Variants in TSC22D1 observed in about 807,000 individuals in gnomAD.
TSC22D1 encodes TSC22 domain family member 1.
TSC22D1 carries 9 observed loss-of-function variants against 74.2 expected under a neutral mutation model. The observed-to-expected ratio is 0.12, with a 90% confidence interval of 0.07 to 0.21. TSC22D1 has a LOEUF of 0.21. Among genes scored for constraint, TSC22D1 ranks in the 10% least tolerant of loss-of-function variants. The pLI, the probability that TSC22D1 is intolerant of heterozygous loss-of-function variation, is 1.00. For synonymous variants in TSC22D1, 586 were observed against 492.5 expected, an observed-to-expected ratio of 1.19 and a Z score of -2.51; for missense variants, 1,427 against 1,304.7, an observed-to-expected ratio of 1.09 and a Z score of -1.44.
intron 1 of TSC22D1, among the ~76,000 whole-genome samples, chr13:44,455,542 G>C (rs1162283302): frequency 6.6e-6 from 1 of 152,172 alleles, no homozygotes; most frequent in Non-Finnish European, 1.5e-5. Context: ...GTTTCTTCAA[G>C]AATTATTTTG....
At chr13:44,524,640 G>A (rs1054608225) in intron 1 of TSC22D1, among the ~76,000 whole-genome samples, 3 of 152,088 alleles carry the variant, frequency 2.0e-5, no homozygotes, top group African/African-American at 4.8e-5. Flanking sequence ...TCCGCTTCCC[G>A]GATTCAAGCA....
intron 1 of TSC22D1, 130 bp from the exon 2 acceptor site, chr13:44,436,225 T>C (rs1874609798): frequency 9.0e-7 from 1 of 1,108,464 alleles, no homozygotes. Flanking sequence ...CTATGTAATG[T>C]ATCACCCTCC....
rs569191088 is a variant in TSC22D1, at chr13:44,434,376, G to C, written c.*250C>G. On this transcript the variant is annotated 3_prime_UTR_variant, in exon 3 of 3. Coordinates refer to ENST00000458659, the MANE Select transcript of TSC22D1 (RefSeq NM_183422.4). ...AAACCATTTCTCAGATATCTGCCAA[G>C]CTGCATGAGGTCCCGGTATATCCAT... 5.1e-6 allele frequency: 7 copies of C among 1,373,788 alleles called. No homozygotes were observed. In the African/African-American group the frequency reaches 8.9e-5, roughly 18 times the overall value. 85.1% of individuals were successfully genotyped at this position (1,373,788 alleles called of 1,614,324 possible).
At chr13:44,451,739 G>A (rs756502963) in intron 1 of TSC22D1, among the ~76,000 whole-genome samples, 8 of 152,238 alleles carry the variant, frequency 5.3e-5, no homozygotes, top group Non-Finnish European at 5.9e-5. Context: ...GCCACACGCT[G>A]AGGATCAACT....
Position 44,434,796 on chromosome 13 carries a change from A to T in TSC22D1, c.3052T>A (p.Ser1018Thr), listed in dbSNP as rs1481187371. Reference protein sequence around the residue: ...EQIKELIEKNSQLEQENNLLK... With the variant: ...EQIKELIEKNTQLEQENNLLK... ...AGATTGTTCTCCTGCTCCAGCTGGG[A>T]ATTTTTCTCTATTAGTTCTTTGATT... is the stretch of plus-strand genomic sequence containing the variant. The change falls in exon 3 of 3, where the codon TCC (serine) becomes ACC (threonine). Residue 1018 changes from serine (S) to threonine (T), a missense_variant. Ser to Thr is a moderately conservative substitution (Grantham distance 58, BLOSUM62 1). Transcript: ENST00000458659. 6.2e-7 allele frequency: 1 copy of T among 1,613,998 alleles called. No individual in the cohort carries two copies. The highest frequency in any genetic ancestry group is 8.5e-7 in the Non-Finnish European group (1 of 1,180,010).
At position 44,567,366 on chromosome 13, in the gene TSC22D1, A is replaced by G. The variant is rs185067135; in HGVS notation, c.2912+5797T>C. Among the ~76,000 whole-genome samples, 238 of 152,326 alleles carry G rather than the reference A, an allele frequency of 1.6e-3. 1 individual carries two copies. Among genetic ancestry groups the G allele is most frequent in the African/African-American group, 5.5e-3 (230 of 41,568 alleles). On this transcript the variant is annotated intron_variant, in intron 1 of 2. Coordinates refer to ENST00000458659, the MANE Select transcript of TSC22D1 (RefSeq NM_183422.4). ...TAACAATTGACAAGCCACGCTCAGA[A>G]TTTCTAATTAGCATTTTAATTCCTT... is the stretch of plus-strand genomic sequence containing the variant.
intron 1 of TSC22D1, chr13:44,537,904 AT>A: frequency 1.0e-6 from 1 of 985,104 alleles, no homozygotes; most frequent in Non-Finnish European, 1.2e-6. Flanking sequence ...TAACTCTAGA[AT>A]GTCTATTCTT....
At chr13:44,510,641 G>A (rs1384429883) in intron 1 of TSC22D1, among the ~76,000 whole-genome samples, 2 of 152,114 alleles carry the variant, frequency 1.3e-5, no homozygotes, top group Non-Finnish European at 2.9e-5. Context: ...TGCCCAGGCT[G>A]GAGTGAAGTG....
rs144156415 is a variant in TSC22D1 at position 44,446,228 on chromosome 13, A to G, written c.2913-10133T>C. ...ACATAACAACCTGAATGAATCTCAA[A>G]TATATTATGGTAAGAGAAACAAGCC... On this transcript the variant is annotated intron_variant, in intron 1 of 2. Transcript: ENST00000458659. Among the ~76,000 whole-genome samples the G allele has an allele frequency of 1.4e-3, 219 of 152,324 alleles. 1 individual carries two copies. Among genetic ancestry groups the G allele is most frequent in the African/African-American group, 4.9e-3 (203 of 41,572 alleles).
Position 44,552,942 on chromosome 13 carries a change from C to A in TSC22D1, c.2912+20221G>T, listed in dbSNP as rs533724767. Among the ~76,000 whole-genome samples the A allele has an allele frequency of 2.3e-3, 346 of 152,210 alleles. 10 individuals carry two copies. Among genetic ancestry groups the A allele is most frequent in the Non-Finnish European group, 1.1e-3 (76 of 68,010 alleles). On this transcript the variant is annotated intron_variant, in intron 1 of 2. Transcript: ENST00000458659. ...GGCGAAGCTTGCAGTGAGCCGCGATCGTGCCACTGCACTCCAGCCTGGGCG... is the reference window on the plus strand; with the variant it reads ...GGCGAAGCTTGCAGTGAGCCGCGATAGTGCCACTGCACTCCAGCCTGGGCG...
At chr13:44,463,772 T>C (rs1359032959) in intron 1 of TSC22D1, among the ~76,000 whole-genome samples, 1 of 152,140 alleles carries the variant, frequency 6.6e-6, no homozygotes, top group East Asian at 1.9e-4. Flanking sequence ...AATGCCAGAG[T>C]AGAAGATTAA....
At chr13:44,447,778 A>G (rs1409686114) in intron 1 of TSC22D1, among the ~76,000 whole-genome samples, 1 of 151,218 alleles carries the variant, frequency 6.6e-6, no homozygotes, top group Non-Finnish European at 1.5e-5. Flanking sequence ...CTTATTTAGC[A>G]TAACTACTAA....
chr13:44,575,224 C>G lies in TSC22D1; in HGVS notation c.851G>C (p.Gly284Ala), dbSNP rs1420655641. 2 of 1,613,992 alleles carry G rather than the reference C, an allele frequency of 1.2e-6. No homozygotes were observed. Among genetic ancestry groups the G allele is most frequent in the South Asian group, 2.2e-5 (2 of 91,088 alleles). ...ATTAGTCATTACAGATGCAGGTGAA[C>G]CACTGGATGATACAGCAGAAGTTGG... ...VAPTSAVSSS[G>A]SPASVMTNMR... Residue 284 changes from glycine (G) to alanine (A), a missense_variant, in exon 1 of 3, where the codon GGT becomes GCT. Physicochemically the swap from Gly to Ala is moderately conservative, Grantham distance 60. This residue lies in a region of TSC22D1 where 1,343 missense variants were observed against 1,191.5 expected (regional missense o/e 1.13). Transcript: ENST00000458659.
intron 1 of TSC22D1, among the ~76,000 whole-genome samples, chr13:44,555,602 T>C (rs1434788586): frequency 1.3e-5 from 2 of 151,178 alleles, no homozygotes; most frequent in African/African-American, 4.9e-5. Flanking sequence ...AAAGACCCTG[T>C]CTAAAAATAA....
chr13:44,463,277 A>G (rs1157749220), intron 1 of TSC22D1, among the ~76,000 whole-genome samples: 1 of 152,208 alleles, frequency 6.6e-6, no homozygotes, highest in Non-Finnish European at 1.5e-5. Flanking sequence ...TTCAGCAAAC[A>G]GTCCATGGAA....
chr13:44,478,028 T>A (rs1214732200), intron 1 of TSC22D1, among the ~76,000 whole-genome samples: 2 of 151,954 alleles, frequency 1.3e-5, no homozygotes, highest in Admixed American at 6.6e-5. Flanking sequence ...TAAAGTAAAG[T>A]CCTTATATAA....
chr13:44,489,722 C>T (rs1238288890), intron 1 of TSC22D1, among the ~76,000 whole-genome samples: 1 of 151,542 alleles, frequency 6.6e-6, no homozygotes, highest in African/African-American at 2.4e-5. Context: ...AGGCAAGAGA[C>T]TTTAACAGGC....
intron 1 of TSC22D1, among the ~76,000 whole-genome samples, chr13:44,565,521 T>G (rs1224661213): frequency 6.6e-6 from 1 of 152,132 alleles, no homozygotes; most frequent in Admixed American, 6.5e-5. Context: ...GTTGTTATAA[T>G]TTTTTAAAAA....
intron 1 of TSC22D1, among the ~76,000 whole-genome samples, chr13:44,514,298 C>T (rs1238290254): frequency 6.6e-6 from 1 of 152,006 alleles, no homozygotes; most frequent in East Asian, 1.9e-4. Context: ...ATTCCTTTAT[C>T]GCCTTGAAGT....
Sources: gnomAD v4.1 joint callset for allele counts (sites outside exome capture counted in the v4.1 genomes callset) on GRCh38, gnomAD v4.1.1 for gene constraint, gnomAD v4.1.1 regional missense constraint, MANE v1.5 for transcripts, NCBI Gene and HGNC (gene_info 2026-07-23, HGNC 2026-07-21) for gene names.